Variants in ZBTB47 observed in about 807,000 individuals in gnomAD.
ZBTB47 encodes the protein zinc finger and BTB domain containing 47, also known as zinc finger and BTB domain-containing protein 47.
Under a neutral mutation model 56.6 loss-of-function variants are expected in ZBTB47, and 24 were observed. That is an observed-to-expected ratio of 0.42 (90% CI 0.31 to 0.60). ZBTB47 has a LOEUF of 0.60. ZBTB47 is among the 20% of genes least tolerant of loss of function. The pLI, the probability that ZBTB47 is intolerant of heterozygous loss-of-function variation, is 0.14. For synonymous variants in ZBTB47, 414 were observed against 418.9 expected (o/e 0.99, Z 0.14); for missense variants, 829 against 1,032.6 (o/e 0.80, Z 2.70).
At position 42,663,735 on chromosome 3, in the gene ZBTB47, C is replaced by T; in HGVS notation, c.1738-62C>T. On this transcript the variant is annotated intron_variant, in intron 4 of 5. Coordinates refer to ENST00000232974, the MANE Select transcript of ZBTB47 (RefSeq NM_145166.4). The surrounding 1 kb of genome is among the most constrained non-coding windows in gnomAD (Gnocchi z 5.1). ...GCCCTGTGGCCACAGGGGAGCTGTT[C>T]CCTCCACAAAGGCTGCTCTTCTGCT... The T allele has an allele frequency of 2.5e-6, 4 of 1,587,706 alleles. No homozygotes were observed. The highest frequency in any genetic ancestry group is 2.3e-5 in the East Asian group (1 of 44,260).
Position 42,659,354 on chromosome 3 carries a change from G to T in ZBTB47, c.999G>T (p.Glu333Asp). 1.4e-6 allele frequency: 2 copies of T among 1,463,668 alleles called. No individual in the cohort carries two copies. Among genetic ancestry groups the T allele is most frequent in the Non-Finnish European group, 9.1e-7 (1 of 1,097,058 alleles). The allele number at this position is 1,463,668 out of a possible 1,614,324, so 90.7% of individuals were successfully genotyped here. Residue 333 changes from glutamate to aspartate, a missense_variant, in exon 2 of 6, where the codon GAG becomes GAT. By Grantham distance (45) the Glu-to-Asp change is conservative. Transcript: ENST00000232974. ...SEQEEEEEEE[E>D]EEGPSEQDQE... is the part of the protein sequence containing the mutation. ...AGGAAGAGGAAGAGGAGGAGGAAGAGGAGGAAGGGCCTAGTGAGCAGGATC... is the reference window on the plus strand; with the variant it reads ...AGGAAGAGGAAGAGGAGGAGGAAGATGAGGAAGGGCCTAGTGAGCAGGATC...
At position 42,666,447 on chromosome 3, in the gene ZBTB47, C is replaced by T. The variant is rs1048950822; in HGVS notation, c.*1849C>T. On this transcript the variant is annotated 3_prime_UTR_variant, in exon 6 of 6. Transcript: ENST00000232974. ...TTGCACTCCTTGATCTTTGGGCTTC[C>T]GTGATGTCCTCAGGGTCCCCCCCTC... 3.3e-5 allele frequency among the ~76,000 whole-genome samples: 5 copies of T among 152,186 alleles called. No individual in the cohort carries two copies. The highest frequency in any genetic ancestry group is 5.9e-5 in the Non-Finnish European group (4 of 68,044).
Position 42,664,670 on chromosome 3 carries a change from C to G in ZBTB47, c.*72C>G. ...CACTCCAGGAGGGACCCACTGCCTT[C>G]CCGGGGAGCACAGTAGTGCGGGCCT... On this transcript the variant is annotated 3_prime_UTR_variant, in exon 6 of 6. Coordinates refer to ENST00000232974, the MANE Select transcript of ZBTB47 (RefSeq NM_145166.4). 1 of 1,356,158 alleles carries G rather than the reference C, an allele frequency of 7.4e-7. No homozygotes were observed. The highest frequency in any genetic ancestry group is 1.5e-5 in the African/African-American group (1 of 64,800). The allele number at this position is 1,356,158 out of a possible 1,614,324, so 84.0% of individuals were successfully genotyped here.
intron 5 of ZBTB47, 104 bp from the exon 6 acceptor site, chr3:42,664,133 C>T (rs1710754372): frequency 4.0e-6 from 6 of 1,507,514 alleles, no homozygotes; most frequent in African/African-American, 1.4e-5. Context: ...TCTGAGAGCG[C>T]CGGGGCTGGG....
At position 42,658,669 on chromosome 3, in the gene ZBTB47, G is replaced by A. The variant is rs867767202; in HGVS notation, c.314G>A (p.Cys105Tyr). The A allele has an allele frequency of 1.3e-6, 2 of 1,536,526 alleles. No homozygotes were observed. Among genetic ancestry groups the A allele is most frequent in the Non-Finnish European group, 1.7e-6 (2 of 1,146,912 alleles). Residue 105 changes from cysteine to tyrosine, a missense_variant, in exon 2 of 6, where the codon TGC (cysteine) becomes TAC (tyrosine). Cys to Tyr is a radical substitution (Grantham distance 194, BLOSUM62 -2). Transcript: ENST00000232974. ...LLQMADIAAS[C>Y]QELLDARSLG... is the part of the protein sequence containing the mutation. ...CAGATGGCTGACATCGCTGCGTCCT[G>A]CCAAGAGCTGCTGGACGCCCGCTCT...
At position 42,663,239 on chromosome 3, in the gene ZBTB47, G is replaced by C. The variant is rs927681391; in HGVS notation, c.1737+112G>C. 1.2e-5 allele frequency: 9 copies of C among 778,608 alleles called. No individual in the cohort carries two copies. The highest frequency in any genetic ancestry group is 2.0e-5 in the Non-Finnish European group (9 of 460,450). The allele number at this position is 778,608 out of a possible 1,614,324, so 48.2% of individuals were successfully genotyped here. A position where few individuals can be genotyped will look rare whatever the true frequency, so the allele number is the denominator to read the frequency against. ...GCTAGGGGGTGGAATGTAGTGTCCA[G>C]AAAGAGAGAGCCCTGCCCTCTGAGG... On this transcript the variant is annotated intron_variant, in intron 4 of 5. Transcript: ENST00000232974. This position sits in a 1 kb window ranked among gnomAD's most constrained non-coding sequence, Gnocchi z 5.1.
In ZBTB47 at chr3:42,665,035, T is replaced by G. The variant is rs918860397; in HGVS notation, c.*437T>G. On this transcript the variant is annotated 3_prime_UTR_variant, in exon 6 of 6. Transcript: ENST00000232974. Reference sequence around the variant, plus strand: ...GGTCAGCCTCAGCAGCCTATCCCCATGTCCTCTATGCCCCTAATTTGCTTC... The same window carrying G: ...GGTCAGCCTCAGCAGCCTATCCCCAGGTCCTCTATGCCCCTAATTTGCTTC... 8 of 156,974 alleles carry G rather than the reference T, an allele frequency of 5.1e-5. No individual in the cohort carries two copies. Among genetic ancestry groups the G allele is most frequent in the African/African-American group, 1.7e-4 (7 of 41,576 alleles). 9.7% of individuals were successfully genotyped at this position (156,974 alleles called of 1,614,324 possible). A position where few individuals can be genotyped will look rare whatever the true frequency, so the allele number is the denominator to read the frequency against.
chr3:42,659,747 C>A lies in ZBTB47; in HGVS notation c.1392C>A (p.Ile464=), dbSNP rs1431253853. 6.2e-7 allele frequency: 1 copy of A among 1,613,800 alleles called. No individual in the cohort carries two copies. The highest frequency in any genetic ancestry group is 1.3e-5 in the African/African-American group (1 of 74,952). Residue 464 remains isoleucine, a synonymous_variant, in exon 2 of 6, where the codon ATC becomes ATA. Transcript: ENST00000232974. ...ATGTGACCCACAGCCGCATGCAGAT[C>A]TGCGACCAGTGCGGCAAGCGCTTCC... ...HMNVTHSRMQ[I]CDQCGKRFLL...
chr3:42,658,364 C>T lies in ZBTB47; in HGVS notation c.9C>T (p.Arg3=), dbSNP rs1710663255. MG[R]LNEQRLFQPD... is the part of the protein sequence containing the mutation. ...TGCACTTTGCCTGCTTGATGGGCCG[C>T]CTGAACGAGCAGCGCCTCTTCCAGC... Residue 3 remains arginine (R), a synonymous_variant, in exon 2 of 6, where the codon CGC becomes CGT. Coordinates refer to ENST00000232974, the MANE Select transcript of ZBTB47 (RefSeq NM_145166.4). The T allele has an allele frequency of 6.5e-7, 1 of 1,533,428 alleles. No individual in the cohort carries two copies. The highest frequency in any genetic ancestry group is 2.0e-5 in the Admixed American group (1 of 50,888). 95.0% of individuals were successfully genotyped at this position (1,533,428 alleles called of 1,614,324 possible).
At chr3:42,661,667 A>G in intron 3 of ZBTB47, 35 bp downstream of exon 3, 9 of 1,610,112 alleles carry the variant, frequency 5.6e-6, no homozygotes, top group Non-Finnish European at 7.6e-6. Context: ...GAGCCAGAGG[A>G]TAGAGATGGA....
chr3:42,664,443 G>A lies in ZBTB47; in HGVS notation c.2089G>A (p.Ala697Thr). Residue 697 changes from alanine (A) to threonine (T), a missense_variant, in exon 6 of 6, where the codon GCC becomes ACC. By Grantham distance (58) the Ala-to-Thr change is moderately conservative. This residue lies in a region of ZBTB47 where 115 missense variants were observed against 117.2 expected (regional missense o/e 0.98). Transcript: ENST00000232974. ...HTLAGDGVPA[A>T]PGLPPTQPQA... ...CCTGGCCGGCGACGGCGTCCCCGCT[G>A]CCCCAGGCCTGCCCCCAACCCAGCC... 1 of 1,531,066 alleles carries A rather than the reference G, an allele frequency of 6.5e-7. No homozygotes were observed. Among genetic ancestry groups the A allele is most frequent in the Non-Finnish European group, 8.8e-7 (1 of 1,141,886 alleles). 94.8% of individuals were successfully genotyped at this position (1,531,066 alleles called of 1,614,324 possible).
At position 42,658,827 on chromosome 3, in the gene ZBTB47, G is replaced by A. The variant is rs1187364289; in HGVS notation, c.472G>A (p.Glu158Lys). The A allele has an allele frequency of 2.0e-6, 3 of 1,533,764 alleles. No homozygotes were observed. The highest frequency in any genetic ancestry group is 1.4e-5 in the African/African-American group (1 of 73,040). Reference protein sequence around the residue: ...TPGLPKIYAREGPDPYSVRVE... With the variant: ...TPGLPKIYARKGPDPYSVRVE... ...AGGCCTGCCCAAGATCTATGCCCGC[G>A]AGGGCCCTGACCCTTACTCGGTGCG... Residue 158 changes from glutamate to lysine, a missense_variant, in exon 2 of 6, where the codon GAG (glutamate) becomes AAG (lysine). Physicochemically the swap from Glu to Lys is moderately conservative, Grantham distance 56. Around this residue, in one of 6 missense-constraint regions of ZBTB47, gnomAD observed 359 missense variants for 359.8 expected, o/e 1.00. Coordinates refer to ENST00000232974, the MANE Select transcript of ZBTB47 (RefSeq NM_145166.4).
intron 3 of ZBTB47, among the ~76,000 whole-genome samples, chr3:42,662,675 G>A (rs1217286309): frequency 6.6e-6 from 1 of 152,204 alleles, no homozygotes; most frequent in Non-Finnish European, 1.5e-5. Flanking sequence ...CCAGTGGTCG[G>A]GCCGGGATTT....
At chr3:42,661,986 TGGGCTGGTACAG>T (rs1227973349) in intron 3 of ZBTB47, among the ~76,000 whole-genome samples, 6 of 152,364 alleles carry the variant, frequency 3.9e-5, no homozygotes, top group African/African-American at 1.4e-4. Context: ...AAGTGCTGTA[TGGGCTGGTACAG>T]GCCCTGTGTC....
chr3:42,659,596 CGGCCCGA>C lies in ZBTB47; in HGVS notation c.1244_1250del (p.Ala415GlyfsTer12). ...CCACCCCCTGGAGTGGCCTCTGCAT[CGGCCCGA>C]GGGCCGCCAGCCACTGATGGGCTGG... On this transcript the variant is annotated frameshift_variant, in exon 2 of 6. Transcript: ENST00000232974. LOFTEE classifies it high-confidence loss of function. 1 of 1,598,966 alleles carries C rather than the reference CGGCCCGA, an allele frequency of 6.3e-7. No individual in the cohort carries two copies. Among genetic ancestry groups the C allele is most frequent in the Non-Finnish European group, 8.5e-7 (1 of 1,173,448 alleles).
At position 42,664,759 on chromosome 3, in the gene ZBTB47, T is replaced by C. The variant is rs1359421012; in HGVS notation, c.*161T>C. The C allele has an allele frequency of 9.6e-6, 8 of 830,570 alleles. No homozygotes were observed. Among genetic ancestry groups the C allele is most frequent in the Admixed American group, 4.3e-5 (1 of 23,488 alleles). 51.5% of individuals were successfully genotyped at this position (830,570 alleles called of 1,614,324 possible). On this transcript the variant is annotated 3_prime_UTR_variant, in exon 6 of 6. Transcript: ENST00000232974. ...TGCCTGAGGCCCCGACGAGGAGGGG[T>C]ATGCAGGCTGGCAGGCCCCAGAGCT...
At chr3:42,664,006 G>C in intron 5 of ZBTB47, 65 bp downstream of exon 5, 1 of 1,541,364 alleles carries the variant, frequency 6.5e-7, no homozygotes. Context: ...CCCCGCTCAG[G>C]ACACCTGGAA....
At chr3:42,657,762 G>C (rs146452903) in intron 1 of ZBTB47, among the ~76,000 whole-genome samples, 148 of 152,310 alleles carry the variant, frequency 9.7e-4, no homozygotes, top group African/African-American at 3.4e-3. Context: ...GGGCAAGCTT[G>C]CTTTTATTGG....
chr3:42,663,342 A>G lies in ZBTB47; in HGVS notation c.1737+215A>G, dbSNP rs1246487548. 6.6e-6 allele frequency among the ~76,000 whole-genome samples: 1 copy of G among 151,492 alleles called. No homozygotes were observed. Among genetic ancestry groups the G allele is most frequent in the African/African-American group, 2.4e-5 (1 of 41,198 alleles). On this transcript the variant is annotated intron_variant, in intron 4 of 5. Transcript: ENST00000232974. The surrounding 1 kb of genome is among the most constrained non-coding windows in gnomAD (Gnocchi z 5.1). ...CTCCCATCCTGCCCTTCCTTCCCCA[A>G]CCCAGCCCCACACACTCAGGGTGGG...
Sources: allele counts gnomAD v4.1 joint callset (sites outside exome capture counted in the v4.1 genomes callset), GRCh38; gene constraint gnomAD v4.1.1; regional missense constraint gnomAD v4.1.1; non-coding constraint Gnocchi (gnomAD v3.1); transcripts MANE v1.5; gene names NCBI Gene and HGNC (gene_info 2026-07-23, HGNC 2026-07-21).